CSMD3: variants seen among roughly 807,000 people sequenced by gnomAD.
CSMD3 encodes the protein CUB and Sushi multiple domains 3, also known as CUB and sushi domain-containing protein 3.
Under a neutral mutation model 435.2 loss-of-function variants are expected in CSMD3, and 177 were observed. The ratio of observed to expected loss-of-function variants is 0.41; its 90% CI spans 0.36 to 0.46. The LOEUF (loss-of-function observed/expected upper bound fraction) is 0.46, where lower values mean the gene tolerates loss of function less well. Among genes scored for constraint, CSMD3 ranks in the 20% least tolerant of loss-of-function variants. CSMD3 has a pLI of 0.34. For synonymous variants in CSMD3, 1,656 were observed against 1,520.5 expected (o/e 1.09, Z -2.07); for missense variants, 4,265 against 4,504.6 (o/e 0.95, Z 1.52).
At chr8:112,259,361 A>G (rs1165036552) in intron 61 of CSMD3, among the ~76,000 whole-genome samples, 1 of 152,080 alleles carries the variant, frequency 6.6e-6, no homozygotes, top group Non-Finnish European at 1.5e-5. Flanking sequence ...AACACAGCAT[A>G]TTCTCACTCA....
intron 1 of CSMD3, among the ~76,000 whole-genome samples, chr8:113,321,368 G>C (rs746591981): frequency 2.6e-5 from 4 of 151,900 alleles, no homozygotes; most frequent in African/African-American, 9.7e-5. Context: ...AGCTGACCTA[G>C]GAATAGTTCT....
chr8:113,145,153 G>A (rs1233559568), intron 4 of CSMD3, among the ~76,000 whole-genome samples: 2 of 151,462 alleles, frequency 1.3e-5, no homozygotes, highest in African/African-American at 4.8e-5. Context: ...GAATGGAGTG[G>A]GTGTTGGGGA....
chr8:112,669,178 A>T (rs2075598051), intron 16 of CSMD3, among the ~76,000 whole-genome samples: 1 of 151,838 alleles, frequency 6.6e-6, no homozygotes, highest in Non-Finnish European at 1.5e-5. Context: ...GATTACAGGC[A>T]CACACCACCA....
chr8:112,841,967 T>G (rs1227494758), intron 11 of CSMD3, among the ~76,000 whole-genome samples: 1 of 151,808 alleles, frequency 6.6e-6, no homozygotes, highest in African/African-American at 2.4e-5. Flanking sequence ...ATGTGATTCT[T>G]GCTGTGTGAG....
At chr8:112,412,446 A>G (rs1035026030) in intron 32 of CSMD3, among the ~76,000 whole-genome samples, 18 of 152,104 alleles carry the variant, frequency 1.2e-4, no homozygotes, top group Non-Finnish European at 2.1e-4. Flanking sequence ...TCTTAAGCAT[A>G]TAGATTTCAA....
intron 5 of CSMD3, among the ~76,000 whole-genome samples, chr8:113,083,542 T>C (rs1379381556): frequency 1.3e-5 from 2 of 151,968 alleles, no homozygotes; most frequent in Admixed American, 6.6e-5. Flanking sequence ...TAAGGTACAA[T>C]ATCTACCATC....
chr8:112,659,228 T>C (rs1374339816), intron 17 of CSMD3, among the ~76,000 whole-genome samples: 1 of 152,162 alleles, frequency 6.6e-6, no homozygotes, highest in Non-Finnish European at 1.5e-5. Context: ...TGAGGAACTA[T>C]AAAAATACAT....
intron 30 of CSMD3, among the ~76,000 whole-genome samples, chr8:112,495,443 CAT>C (rs1416010613): frequency 4.6e-5 from 7 of 152,152 alleles, no homozygotes; most frequent in Admixed American, 2.6e-4. Flanking sequence ...GAAAGGGACA[CAT>C]GTTTGACAAA....
At chr8:112,676,235 A>C (rs1472134867) in intron 16 of CSMD3, among the ~76,000 whole-genome samples, 1 of 152,062 alleles carries the variant, frequency 6.6e-6, no homozygotes, top group Non-Finnish European at 1.5e-5. Flanking sequence ...TGTAAATTTG[A>C]GAGACAGCGG....
chr8:113,063,850 A>C (rs1322070865), intron 5 of CSMD3, among the ~76,000 whole-genome samples: 1 of 151,964 alleles, frequency 6.6e-6, no homozygotes, highest in South Asian at 2.1e-4. Context: ...ATTCACAATG[A>C]ATTCAAATAT....
chr8:112,417,655 G>A (rs1812058886), intron 32 of CSMD3, among the ~76,000 whole-genome samples: 1 of 152,074 alleles, frequency 6.6e-6, no homozygotes, highest in Non-Finnish European at 1.5e-5. Flanking sequence ...ACTTCAAGAT[G>A]GCTATGCACT....
chr8:112,848,761 C>A (rs1434076645), intron 11 of CSMD3, among the ~76,000 whole-genome samples: 1 of 152,016 alleles, frequency 6.6e-6, no homozygotes, highest in East Asian at 1.9e-4. Flanking sequence ...ATGATCTGCA[C>A]AACAATTCAG....
intron 4 of CSMD3, among the ~76,000 whole-genome samples, chr8:113,163,546 T>C (rs937359556): frequency 5.9e-5 from 9 of 151,956 alleles, no homozygotes; most frequent in African/African-American, 2.2e-4. Context: ...TAAAGAAACT[T>C]ATTCTAGAAA....
intron 70 of CSMD3, 23 bp from the exon 71 acceptor site, chr8:112,224,953 G>C (rs763214920): frequency 1.2e-6 from 2 of 1,610,054 alleles, no homozygotes; most frequent in East Asian, 4.5e-5. Flanking sequence ...ACATTGATTA[G>C]CTATGTGTTA....
intron 2 of CSMD3, among the ~76,000 whole-genome samples, chr8:113,282,157 A>G (rs545926500): frequency 1.3e-5 from 2 of 152,164 alleles, no homozygotes; most frequent in East Asian, 3.9e-4. Flanking sequence ...TCCCTCTGAG[A>G]ACTGGAACAA....
At chr8:113,342,402 A>C (rs573174216) in intron 1 of CSMD3, among the ~76,000 whole-genome samples, 1 of 152,296 alleles carries the variant, frequency 6.6e-6, no homozygotes, top group South Asian at 2.1e-4. Flanking sequence ...CTACAGCGCT[A>C]TTTGCAGACT....
intron 34 of CSMD3, among the ~76,000 whole-genome samples, 154 bp downstream of exon 34, chr8:112,408,164 C>T (rs189422320): frequency 1.9e-3 from 284 of 151,984 alleles, no homozygotes; most frequent in African/African-American, 6.6e-3. Context: ...TTACTTTGGT[C>T]AAGGTGACAG....
chr8:112,930,278 A>T (rs1035475866), intron 9 of CSMD3, among the ~76,000 whole-genome samples: 1 of 152,122 alleles, frequency 6.6e-6, no homozygotes, highest in Non-Finnish European at 1.5e-5. Flanking sequence ...CTACTATCAG[A>T]CAGCAATAAA....
chr8:112,515,976 T>TTGATTTTG (rs1823632970), intron 28 of CSMD3, among the ~76,000 whole-genome samples: 1 of 152,082 alleles, frequency 6.6e-6, no homozygotes, highest in African/African-American at 2.4e-5. Context: ...ACTAATGAAT[T>TTGATTTTG]TGATTTTGTA....
Sources: allele counts gnomAD v4.1 joint callset (sites outside exome capture counted in the v4.1 genomes callset), GRCh38; gene constraint gnomAD v4.1.1; transcripts MANE v1.5; gene names NCBI Gene and HGNC (gene_info 2026-07-23, HGNC 2026-07-21).